ZNF609: variants seen among roughly 807,000 people sequenced by gnomAD.
ZNF609 encodes zinc finger protein 609.
A neutral mutation model predicts 109.5 loss-of-function variants in ZNF609; 11 were observed. The ratio of observed to expected loss-of-function variants is 0.10; its 90% CI spans 0.06 to 0.17. The LOEUF (loss-of-function observed/expected upper bound fraction) is 0.17. Ranked by LOEUF, ZNF609 falls within the 10% of genes least tolerant of loss-of-function variation. ZNF609 has a pLI of 1.00. For missense variants in ZNF609, 1,559 were observed against 1,772.4 expected (o/e 0.88, Z 2.16); for synonymous variants, 646 against 662.0 (o/e 0.98, Z 0.37).
rs1896868766 is a variant in ZNF609 at position 64,680,560 on chromosome 15, CTT to C, written c.3946-85_3946-84del. On this transcript the variant is annotated intron_variant, in intron 7 of 9. Coordinates refer to ENST00000326648, the MANE Select transcript of ZNF609 (RefSeq NM_015042.2). ...ATAAGGTGGCACCCTGGGCATCTCA[CTT>C]GTGTGTGTGTGTGTGTGTGTGTGTG... The C allele has an allele frequency of 4.0e-6, 5 of 1,253,770 alleles. 1 individual carries two copies. In the South Asian group the frequency reaches 5.8e-5, roughly 15 times the overall value. 77.7% of individuals were successfully genotyped at this position (1,253,770 alleles called of 1,614,324 possible).
chr15:64,531,802 C>A (rs1894067862), intron 2 of ZNF609, among the ~76,000 whole-genome samples: 1 of 152,190 alleles, frequency 6.6e-6, no homozygotes, highest in South Asian at 2.1e-4. Flanking sequence ...TTCCAACACC[C>A]TTGTCAACTC....
chr15:64,524,497 G>C (rs1448872400), intron 2 of ZNF609, among the ~76,000 whole-genome samples: 1 of 151,640 alleles, frequency 6.6e-6, no homozygotes, highest in Non-Finnish European at 1.5e-5. Flanking sequence ...CCGGGAGGTG[G>C]AGGTTGCAAT....
In ZNF609 at chr15:64,658,418, A is replaced by G. The variant is rs7167851; in HGVS notation, c.974-11928A>G. ...CCCCATGTTGATCAGATTGGTCTCG[A>G]ACTCCTGATCTTAGGTGATCCACCC... On this transcript the variant is annotated intron_variant, in intron 3 of 9. Coordinates refer to ENST00000326648, the MANE Select transcript of ZNF609 (RefSeq NM_015042.2). Among the ~76,000 whole-genome samples, 1,356 of 152,190 alleles carry G rather than the reference A, an allele frequency of 8.9e-3. 23 individuals are homozygous for G. Among genetic ancestry groups the G allele is most frequent in the African/African-American group, 0.031 (1,291 of 41,536 alleles).
At chr15:64,533,406 T>A (rs1234126113) in intron 2 of ZNF609, among the ~76,000 whole-genome samples, 4 of 152,236 alleles carry the variant, frequency 2.6e-5, no homozygotes, top group Non-Finnish European at 5.9e-5. Context: ...AATCATTGAT[T>A]TCACATCATC....
chr15:64,473,492 T>TG (rs1893122510), intron 1 of ZNF609, among the ~76,000 whole-genome samples: 1 of 151,940 alleles, frequency 6.6e-6, no homozygotes, highest in African/African-American at 2.4e-5. Context: ...CCACCGCGCC[T>TG]GGCCTCATAT....
At chr15:64,473,830 A>G (rs529502217) in intron 1 of ZNF609, among the ~76,000 whole-genome samples, 2 of 152,174 alleles carry the variant, frequency 1.3e-5, no homozygotes, top group South Asian at 2.1e-4. Flanking sequence ...GTCTCAGTGC[A>G]GTGGCGTGAT....
chr15:64,574,253 T>A (rs746872102), intron 2 of ZNF609, among the ~76,000 whole-genome samples: 2 of 150,804 alleles, frequency 1.3e-5, no homozygotes, highest in Non-Finnish European at 2.9e-5. Flanking sequence ...TTGTCAGTAG[T>A]TTTTTGTTTT....
chr15:64,529,083 A>G (rs1894016148), intron 2 of ZNF609: 1 of 1,023,438 alleles, frequency 9.8e-7, no homozygotes, highest in African/African-American at 1.6e-5. Flanking sequence ...TGCAGCCATC[A>G]CGTGACAGTT....
chr15:64,577,473 GTA>G (rs369137592), intron 2 of ZNF609, among the ~76,000 whole-genome samples: 1,813 of 33,510 alleles, frequency 0.054, 274 homozygotes, highest in South Asian at 0.46. Flanking sequence ...ACATATATAT[GTA>G]TATATATACA....
chr15:64,588,442 A>AAAAAAAAAAAAAAAAAAAAAAAAAAG lies in ZNF609; in HGVS notation c.748-34383_748-34382insAAAAAAAAAAAAAAAAAAAAAAAGAA, dbSNP rs71133451. ...CACTCTGTCTAAAAAAAAAAAAAAA[A>AAAAAAAAAAAAAAAAAAAAAAAAAAG]AAGAAGAGGAAGACTGTACAGACTA... On this transcript the variant is annotated intron_variant, in intron 2 of 9. Coordinates refer to ENST00000326648, the MANE Select transcript of ZNF609 (RefSeq NM_015042.2). Among the ~76,000 whole-genome samples the AAAAAAAAAAAAAAAAAAAAAAAAAAG allele has an allele frequency of 2.7e-4, 20 of 75,282 alleles. 7 individuals are homozygous for AAAAAAAAAAAAAAAAAAAAAAAAAAG. The highest frequency in any genetic ancestry group is 1.2e-3 in the East Asian group (2 of 1,734). The allele number at this position is 75,282 out of a possible 152,430, so 49.4% of individuals were successfully genotyped here.
intron 3 of ZNF609, among the ~76,000 whole-genome samples, chr15:64,625,457 T>C (rs1895937464): frequency 6.6e-6 from 1 of 151,336 alleles, no homozygotes; most frequent in East Asian, 1.9e-4. Flanking sequence ...GAGGTGGAGG[T>C]TGCAGTGAGC....
chr15:64,665,850 GACCCA>G (rs1896638294), intron 3 of ZNF609, among the ~76,000 whole-genome samples: 1 of 151,858 alleles, frequency 6.6e-6, no homozygotes, highest in Non-Finnish European at 1.5e-5. Context: ...AGGTTGCGAT[GACCCA>G]AGATCACGCC....
rs1459001053 is a variant in ZNF609, at chr15:64,577,345, G to GTA, written c.748-45473_748-45472dup. Among the ~76,000 whole-genome samples the GTA allele has an allele frequency of 9.4e-4, 10 of 10,604 alleles. 3 individuals are homozygous for GTA. Among genetic ancestry groups the GTA allele is most frequent in the African/African-American group, 1.7e-3 (10 of 5,770 alleles). The allele number at this position is 10,604 out of a possible 152,430, so 7.0% of individuals were successfully genotyped here. A position where few individuals can be genotyped will look rare whatever the true frequency, so the allele number is the denominator to read the frequency against. ...TACACACAAATATATACATATATATGTATATATATACACATATATGTATAT... is the reference window on the plus strand; with the variant it reads ...TACACACAAATATATACATATATATGTATATATATATACACATATATGTATAT... On this transcript the variant is annotated intron_variant, in intron 2 of 9. Coordinates refer to ENST00000326648, the MANE Select transcript of ZNF609 (RefSeq NM_015042.2).
chr15:64,664,186 C>T (rs761154071), intron 3 of ZNF609, among the ~76,000 whole-genome samples: 8 of 152,076 alleles, frequency 5.3e-5, no homozygotes, highest in Non-Finnish European at 1.0e-4. Flanking sequence ...CGAGATTGCA[C>T]CACTGCACTC....
At chr15:64,474,808 T>C (rs542825353) in intron 1 of ZNF609, among the ~76,000 whole-genome samples, 1 of 152,320 alleles carries the variant, frequency 6.6e-6, no homozygotes, top group African/African-American at 2.4e-5. Context: ...CGTAGACCTT[T>C]AAAATTACAA....
intron 2 of ZNF609, among the ~76,000 whole-genome samples, chr15:64,520,921 G>A (rs1893882071): frequency 1.3e-5 from 2 of 152,184 alleles, no homozygotes; most frequent in South Asian, 4.1e-4. Flanking sequence ...GCAAAGGAGA[G>A]GCTCACCTGA....
chr15:64,645,008 T>TCTTTCTTCCTTCCTTCCTTC (rs1311156425), intron 3 of ZNF609, among the ~76,000 whole-genome samples: 18 of 140,146 alleles, frequency 1.3e-4, no homozygotes, highest in African/African-American at 4.9e-4. Context: ...TTTCTTTCTT[T>TCTTTCTTCCTTCCTTCCTTC]CTTCCTTCCT....
intron 3 of ZNF609, among the ~76,000 whole-genome samples, chr15:64,626,566 C>A (rs942415247): frequency 6.6e-6 from 1 of 152,102 alleles, no homozygotes; most frequent in Admixed American, 6.5e-5. Flanking sequence ...GCTGTGAATG[C>A]TTGGCCTCTG....
intron 3 of ZNF609, among the ~76,000 whole-genome samples, chr15:64,632,631 C>A (rs1896102383): frequency 6.6e-6 from 1 of 151,706 alleles, no homozygotes; most frequent in Admixed American, 6.6e-5. Context: ...ACACGCCTGG[C>A]TGATTTTTTT....
Sources: allele counts gnomAD v4.1 joint callset (sites outside exome capture counted in the v4.1 genomes callset), GRCh38; gene constraint gnomAD v4.1.1; transcripts MANE v1.5; gene names NCBI Gene and HGNC (gene_info 2026-07-23, HGNC 2026-07-21).